Variants in ZC3HAV1L observed in about 807,000 individuals in gnomAD.
The protein encoded by ZC3HAV1L is ZC3HAV1 like, also known as zinc finger CCCH-type antiviral protein 1-like.
ZC3HAV1L carries 23 observed loss-of-function variants against 28.2 expected under a neutral mutation model. The observed-to-expected ratio is 0.82, with a 90% CI of 0.59 to 1.16. The LOEUF is 1.16. Ranked by LOEUF, ZC3HAV1L falls within the 50% of genes most tolerant of loss-of-function variation. The probability of loss-of-function intolerance (pLI) is 0.00; values close to 1 mark genes in which losing one functional copy is unlikely to be tolerated. For synonymous variants in ZC3HAV1L, 180 were observed against 163.4 expected (o/e 1.10, Z -0.78); for missense variants, 376 against 387.7 (o/e 0.97, Z 0.25).
intron 2 of ZC3HAV1L, among the ~76,000 whole-genome samples, chr7:139,030,263 G>A (rs1034250971): frequency 2.6e-5 from 4 of 152,030 alleles, no homozygotes; most frequent in African/African-American, 9.7e-5. Flanking sequence ...TGGCCAACAC[G>A]GTGAAACCCT....
chr7:139,034,665 GGGTACA>G lies in ZC3HAV1L; in HGVS notation c.373_378del (p.Cys125_Thr126del), dbSNP rs1187253439. 6.2e-7 allele frequency: 1 copy of G among 1,613,976 alleles called. No homozygotes were observed. The highest frequency in any genetic ancestry group is 1.1e-5 in the South Asian group (1 of 91,070). ...ACAGGTGTGTGGATATCATGGGAAAGGGTACAGGTAGACCTAAAAGAACAAAGCCCT... is the reference window on the plus strand; with the variant it reads ...ACAGGTGTGTGGATATCATGGGAAAGGGTAGACCTAAAAGAACAAAGCCCT... On this transcript the variant is annotated inframe_deletion, in exon 2 of 5. Coordinates refer to ENST00000275766, the MANE Select transcript of ZC3HAV1L (RefSeq NM_080660.4).
chr7:139,032,043 T>C (rs1384548190), intron 2 of ZC3HAV1L, among the ~76,000 whole-genome samples: 2 of 151,602 alleles, frequency 1.3e-5, no homozygotes, highest in African/African-American at 2.4e-5. Context: ...CTGGGCAACA[T>C]GGCAAAACCC....
chr7:139,025,277 C>T (rs1307743681), downstream of ZC3HAV1L, among the ~76,000 whole-genome samples: 3 of 151,944 alleles, frequency 2.0e-5, no homozygotes, highest in South Asian at 2.1e-4. Context: ...GGTGAAACCC[C>T]GTCTCTACTA....
chr7:139,032,163 G>C (rs1230524934), intron 2 of ZC3HAV1L, among the ~76,000 whole-genome samples: 1 of 152,042 alleles, frequency 6.6e-6, no homozygotes, highest in Admixed American at 6.6e-5. Context: ...AGTGGTTCAA[G>C]AATTGGAGAT....
In ZC3HAV1L at chr7:139,028,932, G is replaced by A. The variant is rs2130629449; in HGVS notation, c.530C>T (p.Ala177Val). 1.2e-6 allele frequency: 2 copies of A among 1,614,106 alleles called. No individual in the cohort carries two copies. The highest frequency in any genetic ancestry group is 1.1e-5 in the South Asian group (1 of 91,076). The change falls in exon 3 of 5, where the codon GCC becomes GTC. Residue 177 changes from alanine (A) to valine (V), a missense_variant. By Grantham distance (64) the Ala-to-Val change is moderately conservative (BLOSUM62 0). Coordinates refer to ENST00000275766, the MANE Select transcript of ZC3HAV1L (RefSeq NM_080660.4). Reference protein sequence around the residue: ...EVCLLYNKGEALYGYCNLKDK... With the variant: ...EVCLLYNKGEVLYGYCNLKDK... ...CTTGAGGTTGCAGTAGCCATACAGG[G>A]CTTCCCCTTTGTTGTAGAGCAAACA...
chr7:139,031,737 C>T lies in ZC3HAV1L; in HGVS notation c.502-2777G>A, dbSNP rs76606370. 0.017 allele frequency among the ~76,000 whole-genome samples: 2,647 copies of T among 152,158 alleles called. 287 individuals are homozygous for T. In the East Asian group the frequency reaches 0.32, roughly 18 times the overall value. ...CTGGCCAAAATGACAAACCCCATCT[C>T]TACTCAAAATACAAAAAACTAGCTG... On this transcript the variant is annotated intron_variant, in intron 2 of 4. Coordinates refer to ENST00000275766, the MANE Select transcript of ZC3HAV1L (RefSeq NM_080660.4).
Position 139,035,750 on chromosome 7 carries a change from G to C in ZC3HAV1L, c.268C>G (p.Leu90Val). 1 of 1,494,770 alleles carries C rather than the reference G, an allele frequency of 6.7e-7. No homozygotes were observed. The highest frequency in any genetic ancestry group is 8.8e-7 in the Non-Finnish European group (1 of 1,130,818). 92.6% of individuals were successfully genotyped at this position (1,494,770 alleles called of 1,614,324 possible). The part of the protein sequence containing the change: ...WRVVAVSSVR[L>V]CARYQRGECQ... Reference sequence around the variant, plus strand: ...TCGCCGCGCTGGTAGCGGGCGCAGAGGCGCACAGAGGACACGGCCACCACC... The same window carrying C: ...TCGCCGCGCTGGTAGCGGGCGCAGACGCGCACAGAGGACACGGCCACCACC... Residue 90 changes from leucine (L) to valine (V), a missense_variant, in exon 1 of 5, where the codon CTC becomes GTC. Coordinates refer to ENST00000275766, the MANE Select transcript of ZC3HAV1L (RefSeq NM_080660.4).
chr7:139,028,958 G>T lies in ZC3HAV1L; in HGVS notation c.504C>A (p.Val168=), dbSNP rs138293286. Residue 168 remains valine, a splice_region_variant and synonymous_variant, in exon 3 of 5, where the codon GTC becomes GTA. Transcript: ENST00000275766. ...CTTCCCCTTTGTTGTAGAGCAAACA[G>T]ACCTGGTACAGAAATGAGGGAACAC... ...LQNDPCLLPE[V]CLLYNKGEAL... The T allele has an allele frequency of 1.2e-6, 2 of 1,611,250 alleles. No homozygotes were observed. The highest frequency in any genetic ancestry group is 1.1e-5 in the South Asian group (1 of 90,840).
Position 139,034,697 on chromosome 7 carries a change from C to A in ZC3HAV1L, c.366-19G>T, listed in dbSNP as rs758165988. ...GGTAGACCTAAAAGAACAAAGCCCT[C>A]GGTCAGATGCCCAGGTGAAGAAGGA... is the stretch of plus-strand genomic sequence containing the variant. On this transcript the variant is annotated intron_variant, in intron 1 of 4. Transcript: ENST00000275766. 3 of 1,612,984 alleles carry A rather than the reference C, an allele frequency of 1.9e-6. No individual in the cohort carries two copies. The highest frequency in any genetic ancestry group is 2.5e-6 in the Non-Finnish European group (3 of 1,179,248).
At position 139,028,864 on chromosome 7, in the gene ZC3HAV1L, C is replaced by G; in HGVS notation, c.598G>C (p.Gly200Arg). The G allele has an allele frequency of 8.1e-6, 13 of 1,614,204 alleles. No individual in the cohort carries two copies. Among genetic ancestry groups the G allele is most frequent in the Non-Finnish European group, 1.1e-5 (13 of 1,180,040 alleles). The change falls in exon 3 of 5, where the codon GGA becomes CGA. Residue 200 changes from glycine to arginine, a missense_variant. Physicochemically the swap from Gly to Arg is moderately radical, Grantham distance 125. Transcript: ENST00000275766. Reference sequence around the variant, plus strand: ...TTGCAGGTCTGAAGTTTGCATTCTCCTTTCACAAAGGATTTGCACACATGA... The same window carrying G: ...TTGCAGGTCTGAAGTTTGCATTCTCGTTTCACAAAGGATTTGCACACATGA... The part of the protein sequence containing the change: ...KFHVCKSFVK[G>R]ECKLQTCKRS...
At chr7:139,030,769 A>C (rs1815501686) in intron 2 of ZC3HAV1L, among the ~76,000 whole-genome samples, 1 of 152,008 alleles carries the variant, frequency 6.6e-6, no homozygotes, top group South Asian at 2.1e-4. Context: ...CAGTGAGCCG[A>C]GATCACGCCA....
At chr7:139,035,427 G>T (rs1273598123) in intron 1 of ZC3HAV1L, 1 of 985,246 alleles carries the variant, frequency 1.0e-6, no homozygotes, top group Non-Finnish European at 1.2e-6. Context: ...CTTTTCTGGC[G>T]TGGGCGGTTG....
intron 1 of ZC3HAV1L, chr7:139,035,237 G>A (rs923023337): frequency 1.0e-6 from 1 of 985,336 alleles, no homozygotes; most frequent in African/African-American, 1.7e-5. Context: ...GCACAAGTGT[G>A]TGGATATGGG....
rs776856943 is a variant in ZC3HAV1L at position 139,035,728 on chromosome 7, C to G, written c.290G>C (p.Gly97Ala). ...SVRLCARYQR[G>A]ECQACDQLHF... ...CAGCTGGTCGCAGGCCTGGCACTCG[C>G]CGCGCTGGTAGCGGGCGCAGAGGCG... The change falls in exon 1 of 5, where the codon GGC (glycine) becomes GCC (alanine). Residue 97 changes from glycine to alanine, a missense_variant. Transcript: ENST00000275766. 1.1e-5 allele frequency: 17 copies of G among 1,487,986 alleles called. No homozygotes were observed. The highest frequency in any genetic ancestry group is 1.5e-5 in the Non-Finnish European group (17 of 1,127,860). The allele number at this position is 1,487,986 out of a possible 1,614,324, so 92.2% of individuals were successfully genotyped here.
intron 3 of ZC3HAV1L, among the ~76,000 whole-genome samples, 160 bp downstream of exon 3, chr7:139,028,542 A>ATGTTGC (rs1366693053): frequency 6.6e-6 from 1 of 152,134 alleles, no homozygotes; most frequent in African/African-American, 2.4e-5. Flanking sequence ...ATACAATACA[A>ATGTTGC]TGTTGCCTGT....
At chr7:139,022,231 A>G, downstream of ZC3HAV1L, 1 of 178,268 alleles carries the variant, frequency 5.6e-6, no homozygotes, top group South Asian at 1.1e-4. Flanking sequence ...CTTAGGGGGA[A>G]AAAAAGATTT....
At chr7:139,031,970 G>C (rs939706840) in intron 2 of ZC3HAV1L, among the ~76,000 whole-genome samples, 1 of 152,066 alleles carries the variant, frequency 6.6e-6, no homozygotes, top group African/African-American at 2.4e-5. Context: ...AGCTACTCGA[G>C]AGGCTGAAGT....
intron 3 of ZC3HAV1L, among the ~76,000 whole-genome samples, chr7:139,027,872 A>G (rs1815400318): frequency 6.6e-6 from 1 of 152,216 alleles, no homozygotes; most frequent in Non-Finnish European, 1.5e-5. Flanking sequence ...TAAAATTGTA[A>G]CAAGTATAGT....
chr7:139,033,935 C>T (rs1325247289), intron 2 of ZC3HAV1L: 1 of 985,236 alleles, frequency 1.0e-6, no homozygotes, highest in Non-Finnish European at 1.2e-6. Context: ...TGGCTCACAA[C>T]CGTGACATAC....
Sources: gnomAD v4.1 joint callset for allele counts (sites outside exome capture counted in the v4.1 genomes callset) on GRCh38, gnomAD v4.1.1 for gene constraint, MANE v1.5 for transcripts, NCBI Gene and HGNC (gene_info 2026-07-23, HGNC 2026-07-21) for gene names.